C1orf105: variants seen among roughly 807,000 people sequenced by gnomAD.
C1orf105 encodes the protein chromosome 1 open reading frame 105.
A neutral mutation model predicts 20.8 loss-of-function variants in C1orf105; 17 were observed. That is an observed-to-expected ratio of 0.82 (90% confidence interval 0.56 to 1.23). C1orf105 has a LOEUF of 1.23. Ranked by LOEUF, C1orf105 falls within the 50% of genes most tolerant of loss-of-function variation. The pLI, the probability that C1orf105 is intolerant of heterozygous loss-of-function variation, is 0.00. For synonymous variants in C1orf105, 72 were observed against 72.1 expected (o/e 1.00, Z 0.01); for missense variants, 219 against 213.5 (o/e 1.03, Z -0.16).
chr1:172,445,159 G>A lies in C1orf105; in HGVS notation c.107+1G>A, dbSNP rs763063671. The A allele has an allele frequency of 1.1e-5, 17 of 1,609,130 alleles. No homozygotes were observed. Among genetic ancestry groups the A allele is most frequent in the Non-Finnish European group, 1.3e-5 (15 of 1,177,806 alleles). ...CATTAGTGCTCAGCCTTCCCAGAAG[G>A]TAACCTCTCAGCCACCGAGGGCAAA... On this transcript the variant is annotated splice_donor_variant, in intron 2 of 6. Transcript: ENST00000367727. LOFTEE classifies it high-confidence loss of function.
intron 1 of C1orf105, chr1:172,442,103 A>C (rs1484541196): frequency 1.2e-6 from 2 of 1,614,258 alleles, no homozygotes; most frequent in Non-Finnish European, 1.7e-6. Context: ...AGTGTGCTGG[A>C]TACAATGGCA....
In C1orf105 at chr1:172,465,361, C is replaced by T. The variant is rs936055404; in HGVS notation, c.404C>T (p.Thr135Ile). 3 of 1,607,944 alleles carry T rather than the reference C, an allele frequency of 1.9e-6. No individual in the cohort carries two copies. The highest frequency in any genetic ancestry group is 2.6e-6 in the Non-Finnish European group (3 of 1,174,486). Residue 135 changes from threonine to isoleucine, a missense_variant and splice_region_variant, in exon 6 of 7, where the codon ACA becomes ATA. Transcript: ENST00000367727. Reference sequence around the variant, plus strand: ...GAGCCTTTCCATGATGACATCCCAACAGGTTTGCTTTCTTTTAGAGTACTT... The same window carrying T: ...GAGCCTTTCCATGATGACATCCCAATAGGTTTGCTTTCTTTTAGAGTACTT... ...TPEPFHDDIP[T>I]ESIHYRLPIL...
At chr1:172,423,101 T>C (rs1284144392) in intron 1 of C1orf105, among the ~76,000 whole-genome samples, 1 of 151,634 alleles carries the variant, frequency 6.6e-6, no homozygotes, top group Non-Finnish European at 1.5e-5. Context: ...TTTTACCACC[T>C]GCTGATTGTA....
Position 172,465,348 on chromosome 1 carries a change from G to A in C1orf105, c.391G>A (p.Asp131Asn), listed in dbSNP as rs769452264. Residue 131 changes from aspartate (D) to asparagine (N), a missense_variant, in exon 6 of 7, where the codon GAT becomes AAT. Transcript: ENST00000367727. ...KFQTTPEPFH[D>N]DIPTESIHYR... ...CCAGACTACACCTGAGCCTTTCCAT[G>A]ATGACATCCCAACAGGTTTGCTTTC... The A allele has an allele frequency of 2.7e-5, 43 of 1,611,242 alleles. No individual in the cohort carries two copies. Among genetic ancestry groups the A allele is most frequent in the Non-Finnish European group, 3.6e-5 (42 of 1,177,522 alleles).
chr1:172,453,016 G>A, intron 3 of C1orf105: 1 of 1,550,346 alleles, frequency 6.5e-7, no homozygotes, highest in Non-Finnish European at 8.7e-7. Context: ...AAGAAAGCAA[G>A]ACAGAATGGA....
intron 4 of C1orf105, among the ~76,000 whole-genome samples, chr1:172,459,410 T>G (rs549539150): frequency 2.0e-5 from 3 of 152,132 alleles, no homozygotes. Flanking sequence ...CTAAAGAAGA[T>G]CTACAAATGA....
chr1:172,453,896 G>A (rs1032428316), intron 3 of C1orf105, among the ~76,000 whole-genome samples: 1 of 152,178 alleles, frequency 6.6e-6, no homozygotes, highest in Non-Finnish European at 1.5e-5. Context: ...TCAAGGCCAG[G>A]TGGGACAATA....
chr1:172,421,724 AC>A (rs2071595016), intron 1 of C1orf105, among the ~76,000 whole-genome samples: 2 of 152,188 alleles, frequency 1.3e-5, no homozygotes, highest in Non-Finnish European at 2.9e-5. Flanking sequence ...CCTGGTTTTA[AC>A]TTCGTATTGT....
intron 1 of C1orf105, among the ~76,000 whole-genome samples, chr1:172,438,977 A>G (rs1251142915): frequency 6.6e-6 from 1 of 152,212 alleles, no homozygotes; most frequent in African/African-American, 2.4e-5. Flanking sequence ...GGGTATGCAT[A>G]TTTTTTAGAC....
intron 1 of C1orf105, chr1:172,444,269 G>A (rs989328235): frequency 2.4e-5 from 24 of 985,358 alleles, no homozygotes; most frequent in Non-Finnish European, 2.5e-5. Flanking sequence ...GATGGGATGT[G>A]CCATCTGAAG....
intron 3 of C1orf105, 24 bp downstream of exon 3, chr1:172,448,555 T>A: frequency 7.4e-7 from 1 of 1,357,336 alleles, no homozygotes; most frequent in African/African-American, 1.4e-5. Context: ...TTTGTTGAAA[T>A]GAAACCAACA....
intron 2 of C1orf105, among the ~76,000 whole-genome samples, chr1:172,447,789 A>G (rs1465649538): frequency 6.6e-6 from 1 of 152,228 alleles, no homozygotes; most frequent in Non-Finnish European, 1.5e-5. Context: ...CTTGGATGCC[A>G]GGGGCATGAA....
chr1:172,464,884 T>C (rs1228417049), intron 5 of C1orf105, among the ~76,000 whole-genome samples: 1 of 152,076 alleles, frequency 6.6e-6, no homozygotes, highest in African/African-American at 2.4e-5. Flanking sequence ...ATTACGTGTG[T>C]TTAAAAATGT....
At chr1:172,433,791 TAA>T (rs1413564007) in intron 1 of C1orf105, among the ~76,000 whole-genome samples, 1 of 152,108 alleles carries the variant, frequency 6.6e-6, no homozygotes, top group African/African-American at 2.4e-5. Flanking sequence ...ATGCCCCAAT[TAA>T]AAGACACAGA....
At chr1:172,430,221 A>C in intron 1 of C1orf105, 1 of 656,346 alleles carries the variant, frequency 1.5e-6, no homozygotes, top group Admixed American at 2.3e-5. Flanking sequence ...GACTGACTAG[A>C]TCACTGAATT....
intron 3 of C1orf105, chr1:172,453,044 G>A: frequency 6.4e-7 from 1 of 1,550,602 alleles, no homozygotes; most frequent in Non-Finnish European, 8.7e-7. Context: ...AGGCCTGCAG[G>A]ACATGGCGTC....
At chr1:172,427,548 A>G (rs530369479) in intron 1 of C1orf105, among the ~76,000 whole-genome samples, 1 of 152,106 alleles carries the variant, frequency 6.6e-6, no homozygotes, top group African/African-American at 2.4e-5. Flanking sequence ...TTTCTCTTAA[A>G]CCCACACCAA....
chr1:172,427,869 T>G (rs2071763392), intron 1 of C1orf105, among the ~76,000 whole-genome samples: 1 of 152,190 alleles, frequency 6.6e-6, no homozygotes, highest in South Asian at 2.1e-4. Flanking sequence ...TTAAATATCA[T>G]TTATATTGCC....
At chr1:172,462,293 T>G (rs892971025) in intron 5 of C1orf105, 48 bp downstream of exon 5, 7 of 1,376,448 alleles carry the variant, frequency 5.1e-6, no homozygotes, top group Non-Finnish European at 7.1e-6. Context: ...TTGTTATGTC[T>G]GAGGACACAG....
Sources: allele counts gnomAD v4.1 joint callset (sites outside exome capture counted in the v4.1 genomes callset), GRCh38; gene constraint gnomAD v4.1.1; transcripts MANE v1.5; gene names NCBI Gene and HGNC (gene_info 2026-07-23, HGNC 2026-07-21).